Variants in KMT2A observed in about 807,000 individuals in gnomAD.
KMT2A encodes the protein lysine methyltransferase 2A.
KMT2A carries 16 observed loss-of-function variants against 345.3 expected under a neutral mutation model. That is an observed-to-expected ratio of 0.05 (90% confidence interval 0.03 to 0.07). The LOEUF (loss-of-function observed/expected upper bound fraction) is 0.07, where lower values mean the gene tolerates loss of function less well. Ranked by LOEUF, KMT2A falls within the 10% of genes least tolerant of loss-of-function variation. The pLI, the probability that KMT2A is intolerant of heterozygous loss-of-function variation, is 1.00. For missense variants in KMT2A, 3,272 were observed against 4,841.6 expected (o/e 0.68, Z 9.62); for synonymous variants, 1,599 against 1,778.6 (o/e 0.90, Z 2.54).
chr11:118,506,636 T>C lies in KMT2A; in HGVS notation c.10744T>C (p.Ser3582Pro). The C allele has an allele frequency of 6.3e-7, 1 of 1,597,646 alleles. No homozygotes were observed. The highest frequency in any genetic ancestry group is 8.5e-7 in the Non-Finnish European group (1 of 1,170,578). The change falls in exon 27 of 36, where the codon TCA becomes CCA. Residue 3582 changes from serine (S) to proline (P), a missense_variant. By Grantham distance (74) the Ser-to-Pro change is moderately conservative (BLOSUM62 -1). Around this residue, in one of 27 missense-constraint regions of KMT2A, gnomAD observed 748 missense variants for 922.2 expected, o/e 0.81. Coordinates refer to ENST00000534358, the MANE Select transcript of KMT2A (RefSeq NM_001197104.2). ...IPDQETTSLT[S>P]GTGTPGAEAE... ...AGACCAAGAAACGACATCCCTGACC[T>C]CAGGCACAGGGTGAGAGATCCAAAT...
In KMT2A at chr11:118,494,567, T is replaced by C; in HGVS notation, c.5290-127T>C. 1 of 919,106 alleles carries C rather than the reference T, an allele frequency of 1.1e-6. No homozygotes were observed. Among genetic ancestry groups the C allele is most frequent in the Non-Finnish European group, 1.7e-6 (1 of 593,852 alleles). The allele number at this position is 919,106 out of a possible 1,614,324, so 56.9% of individuals were successfully genotyped here. A position where few individuals can be genotyped will look rare whatever the true frequency, so the allele number is the denominator to read the frequency against. ...GAGGAACTTGGTGAGGTTGCCAGAG[T>C]GGATGGATCTTTCTCTTGGTGGCCT... On this transcript the variant is annotated intron_variant, in intron 17 of 35. Coordinates refer to ENST00000534358, the MANE Select transcript of KMT2A (RefSeq NM_001197104.2). This position sits in a 1 kb window ranked among gnomAD's most constrained non-coding sequence, Gnocchi z 5.8.
rs183751438 is a variant in KMT2A at position 118,452,865 on chromosome 11, C to T, written c.433-15910C>T. ...GCCAGGCTGGTCTCGAACTCCTGAC[C>T]TCGTGATCTGCCCACCTCGGCCTCC... On this transcript the variant is annotated intron_variant, in intron 1 of 35. Coordinates refer to ENST00000534358, the MANE Select transcript of KMT2A (RefSeq NM_001197104.2). Among the ~76,000 whole-genome samples the T allele has an allele frequency of 6.5e-3, 994 of 151,974 alleles. 8 individuals carry two copies. Among genetic ancestry groups the T allele is most frequent in the African/African-American group, 0.022 (915 of 41,432 alleles).
At chr11:118,460,574 G>C (rs868916921) in intron 1 of KMT2A, among the ~76,000 whole-genome samples, 13 of 152,166 alleles carry the variant, frequency 8.5e-5, no homozygotes, top group Non-Finnish European at 4.4e-5. Context: ...ACAGTCAGGA[G>C]ACACCACACC....
chr11:118,485,073 T>A, intron 10 of KMT2A, 98 bp downstream of exon 10: 1 of 764,050 alleles, frequency 1.3e-6, no homozygotes, highest in South Asian at 1.6e-5. Flanking sequence ...TAGCAGGTAC[T>A]ATTCCCTGTT....
Position 118,493,119 on chromosome 11 carries a change from C to A in KMT2A, c.5067C>A (p.Pro1689=), listed in dbSNP as rs771532622. The A allele has an allele frequency of 1.9e-6, 3 of 1,614,012 alleles. No individual in the cohort carries two copies. Among genetic ancestry groups the A allele is most frequent in the South Asian group, 1.1e-5 (1 of 91,060 alleles). Residue 1689 remains proline, a synonymous_variant, in exon 16 of 36, where the codon CCC becomes CCA. Coordinates refer to ENST00000534358, the MANE Select transcript of KMT2A (RefSeq NM_001197104.2). The surrounding 1 kb of genome is among the most constrained non-coding windows in gnomAD (Gnocchi z 5.8). ...TEESIPSRSS[P]EGPDPPVLTE... ...AGAGTATACCTTCCCGCAGCTCCCC[C>A]GAAGGACCTGATCCACCAGTTCTTA...
chr11:118,508,057 A>G (rs918426125), intron 28 of KMT2A, among the ~76,000 whole-genome samples: 1 of 152,240 alleles, frequency 6.6e-6, no homozygotes, highest in Non-Finnish European at 1.5e-5. Context: ...GCTTGTAAAC[A>G]AGTAAACAAA....
At position 118,506,074 on chromosome 11, in the gene KMT2A, G is replaced by T. The variant is rs782591418; in HGVS notation, c.10182G>T (p.Gly3394=). ...LLIKASQQSL[G]IQDQPVALPP... is the part of the protein sequence containing the mutation. ...TCAAAGCTAGCCAGCAGAGCCTGGGGATTCAGGACCAGCCTGTGGCTTTAC... is the reference window on the plus strand; with the variant it reads ...TCAAAGCTAGCCAGCAGAGCCTGGGTATTCAGGACCAGCCTGTGGCTTTAC... Residue 3394 remains glycine, a synonymous_variant, in exon 27 of 36, where the codon GGG becomes GGT. Transcript: ENST00000534358. 3 of 1,614,058 alleles carry T rather than the reference G, an allele frequency of 1.9e-6. No individual in the cohort carries two copies. In the African/African-American group the frequency reaches 4.0e-5, roughly 22 times the overall value.
intron 1 of KMT2A, among the ~76,000 whole-genome samples, chr11:118,467,597 T>C (rs1398695134): frequency 1.3e-5 from 2 of 152,174 alleles, no homozygotes; most frequent in Non-Finnish European, 2.9e-5. Flanking sequence ...ACCTGCTAAT[T>C]TGTCCTAAAA....
chr11:118,438,727 G>A (rs1274249416), intron 1 of KMT2A, among the ~76,000 whole-genome samples: 1 of 152,094 alleles, frequency 6.6e-6, no homozygotes, highest in Non-Finnish European at 1.5e-5. Flanking sequence ...TCAAGGAGCT[G>A]GCATTTTTTA....
In KMT2A at chr11:118,471,844, C is replaced by A. The variant is rs143998546; in HGVS notation, c.685C>A (p.Pro229Thr). Residue 229 changes from proline (P) to threonine (T), a missense_variant, in exon 3 of 36, where the codon CCT becomes ACT. Pro to Thr is a conservative substitution (Grantham distance 38, BLOSUM62 -1). Coordinates refer to ENST00000534358, the MANE Select transcript of KMT2A (RefSeq NM_001197104.2). The stretch of plus-strand genomic sequence containing the variant: ...GAAGAGAGGAAGACCTCCCACCTTC[C>A]CTGGAGTAAAAATCAAAATAACACA... ...EKKRGRPPTF[P>T]GVKIKITHGK... 5.7e-5 allele frequency: 92 copies of A among 1,612,024 alleles called. No individual in the cohort carries two copies. Among genetic ancestry groups the A allele is most frequent in the Non-Finnish European group, 7.4e-5 (87 of 1,179,526 alleles).
rs1432094699 is a variant in KMT2A, at chr11:118,524,672, G to GT, written c.*2507dup. On this transcript the variant is annotated 3_prime_UTR_variant, in exon 36 of 36. Transcript: ENST00000534358. ...TTCCTTTATTATTGCACTGTGTGAG[G>GT]TTTTTTTGTAAATCCTTGTATTCCT... 2.8e-5 allele frequency: 5 copies of GT among 178,386 alleles called. No individual in the cohort carries two copies. Among genetic ancestry groups the GT allele is most frequent in the East Asian group, 9.4e-5 (1 of 10,688 alleles). 11.1% of individuals were successfully genotyped at this position (178,386 alleles called of 1,614,324 possible). A position where few individuals can be genotyped will look rare whatever the true frequency, so the allele number is the denominator to read the frequency against.
rs548078066 is a variant in KMT2A at position 118,501,769 on chromosome 11, T to C, written c.6417T>C (p.Tyr2139=). ...CACAAACCTCTGGCTCCTGTTATTA[T>C]CATGTCATCTCAAAGGTCCCCAGGA... ...PHSQTSGSCY[Y]HVISKVPRIR... Residue 2139 remains tyrosine (Y), a synonymous_variant, in exon 26 of 36, where the codon TAT becomes TAC. Transcript: ENST00000534358. 2 of 1,614,082 alleles carry C rather than the reference T, an allele frequency of 1.2e-6. No individual in the cohort carries two copies. Among genetic ancestry groups the C allele is most frequent in the Admixed American group, 1.7e-5 (1 of 60,022 alleles).
At chr11:118,438,988 A>AT (rs782272564) in intron 1 of KMT2A, 114 of 459,236 alleles carry the variant, frequency 2.5e-4, no homozygotes, top group Middle Eastern at 1.7e-3. Context: ...GTAGATTATT[A>AT]TTTTTTTTTG....
In KMT2A at chr11:118,471,847, G is replaced by A; in HGVS notation, c.688G>A (p.Gly230Arg). 1 of 1,612,036 alleles carries A rather than the reference G, an allele frequency of 6.2e-7. No homozygotes were observed. The highest frequency in any genetic ancestry group is 8.5e-7 in the Non-Finnish European group (1 of 1,179,434). ...GAGAGGAAGACCTCCCACCTTCCCT[G>A]GAGTAAAAATCAAAATAACACATGG... The part of the protein sequence containing the change: ...KKRGRPPTFP[G>R]VKIKITHGKD... Residue 230 changes from glycine (G) to arginine (R), a missense_variant, in exon 3 of 36, where the codon GGA becomes AGA. By Grantham distance (125) the Gly-to-Arg change is moderately radical. Coordinates refer to ENST00000534358, the MANE Select transcript of KMT2A (RefSeq NM_001197104.2).
At position 118,503,606 on chromosome 11, in the gene KMT2A, C is replaced by A; in HGVS notation, c.7714C>A (p.Pro2572Thr). 6.2e-7 allele frequency: 1 copy of A among 1,614,162 alleles called. No individual in the cohort carries two copies. Among genetic ancestry groups the A allele is most frequent in the Non-Finnish European group, 8.5e-7 (1 of 1,180,022 alleles). The change falls in exon 27 of 36, where the codon CCA becomes ACA. Residue 2572 changes from proline to threonine, a missense_variant. Coordinates refer to ENST00000534358, the MANE Select transcript of KMT2A (RefSeq NM_001197104.2). The surrounding 1 kb of genome is among the most constrained non-coding windows in gnomAD (Gnocchi z 5.3). The part of the protein sequence containing the change: ...ISASENPGDG[P>T]VAQPSPNNTS... The stretch of plus-strand genomic sequence containing the variant: ...AGCCTCTGAAAATCCAGGAGATGGT[C>A]CAGTGGCCCAACCAAGCCCCAATAA...
rs781934256 is a variant in KMT2A, at chr11:118,472,832, C to T, written c.1673C>T (p.Ser558Phe). The T allele has an allele frequency of 6.2e-7, 1 of 1,613,956 alleles. No individual in the cohort carries two copies. Among genetic ancestry groups the T allele is most frequent in the Non-Finnish European group, 8.5e-7 (1 of 1,179,984 alleles). The change falls in exon 3 of 36, where the codon TCC becomes TTC. Residue 558 changes from serine (S) to phenylalanine (F), a missense_variant. By Grantham distance (155) the Ser-to-Phe change is radical. Coordinates refer to ENST00000534358, the MANE Select transcript of KMT2A (RefSeq NM_001197104.2). ...TLQSAPQQQTSSSPPPPLLTP... is the reference protein window; with the variant it reads ...TLQSAPQQQTFSSPPPPLLTP... ...CAAAGTGCCCCCCAGCAGCAGACCTCCTCGTCTCCACCTCCACCTCTGCTG... is the reference window on the plus strand; with the variant it reads ...CAAAGTGCCCCCCAGCAGCAGACCTTCTCGTCTCCACCTCCACCTCTGCTG...
Position 118,496,840 on chromosome 11 carries a change from C to G in KMT2A, c.5664+473C>G, listed in dbSNP as rs1286358879. The stretch of plus-strand genomic sequence containing the variant: ...TAACCTCTCTGACCCTCAGTTTCAT[C>G]TTTAAAATGAAGATAATAACGCTTA... On this transcript the variant is annotated intron_variant, in intron 20 of 35. Coordinates refer to ENST00000534358, the MANE Select transcript of KMT2A (RefSeq NM_001197104.2). This position sits in a 1 kb window ranked among gnomAD's most constrained non-coding sequence, Gnocchi z 4.7. Among the ~76,000 whole-genome samples the G allele has an allele frequency of 6.6e-6, 1 of 152,142 alleles. No individual in the cohort carries two copies. Among genetic ancestry groups the G allele is most frequent in the Admixed American group, 6.5e-5 (1 of 15,274 alleles).
At chr11:118,440,382 T>A in intron 1 of KMT2A, among the ~76,000 whole-genome samples, 1 of 152,190 alleles carries the variant, frequency 6.6e-6, no homozygotes, top group East Asian at 1.9e-4. Flanking sequence ...GTAGTGTCAG[T>A]ATCCCATTTT....
chr11:118,466,894 G>A (rs1454357822), intron 1 of KMT2A, among the ~76,000 whole-genome samples: 1 of 152,078 alleles, frequency 6.6e-6, no homozygotes, highest in Non-Finnish European at 1.5e-5. Context: ...AGAAGAAACT[G>A]TAAAAAGTAC....
Sources: allele counts gnomAD v4.1 joint callset (sites outside exome capture counted in the v4.1 genomes callset), GRCh38; gene constraint gnomAD v4.1.1; regional missense constraint gnomAD v4.1.1; non-coding constraint Gnocchi (gnomAD v3.1); transcripts MANE v1.5; gene names NCBI Gene and HGNC (gene_info 2026-07-23, HGNC 2026-07-21).